The following CSMD1 variants were observed in gnomAD, a reference collection of about 807,000 sequenced individuals.
CSMD1 encodes CUB and Sushi multiple domains 1, also known as CUB and sushi domain-containing protein 1.
CSMD1 carries 213 observed loss-of-function variants against 417.5 expected under a neutral mutation model. The ratio of observed to expected loss-of-function variants is 0.51; its 90% CI spans 0.46 to 0.57. The LOEUF (loss-of-function observed/expected upper bound fraction) is 0.57, where lower values mean the gene tolerates loss of function less well. Ranked by LOEUF, CSMD1 falls within the 20% of genes least tolerant of loss-of-function variation. The pLI, the probability that CSMD1 is intolerant of heterozygous loss-of-function variation, is 0.00. For missense variants in CSMD1, 6,923 were observed against 4,529.7 expected (o/e 1.53, Z -15.17); for synonymous variants, 2,862 against 1,736.8 (o/e 1.65, Z -16.11).
At chr8:4,446,814 G>C (rs1169698196) in intron 2 of CSMD1, among the ~76,000 whole-genome samples, 1 of 142,858 alleles carries the variant, frequency 7.0e-6, no homozygotes, top group Non-Finnish European at 1.5e-5. Flanking sequence ...GTAGAGCCAA[G>C]TTTTCTCCAT....
rs914537020 is a variant in CSMD1 at position 4,598,024 on chromosome 8, G to C, written c.302+39318C>G. Among the ~76,000 whole-genome samples the C allele has an allele frequency of 4.6e-5, 7 of 151,398 alleles. No homozygotes were observed. In the East Asian group the frequency reaches 7.7e-4, roughly 17 times the overall value. On this transcript the variant is annotated intron_variant, in intron 2 of 69. Transcript: ENST00000635120. Reference sequence around the variant, plus strand: ...TATAAAATAGATATAAGGTTCTTTAGAACATTTATCAATATTCACAATTGC... The same window carrying C: ...TATAAAATAGATATAAGGTTCTTTACAACATTTATCAATATTCACAATTGC...
intron 3 of CSMD1, among the ~76,000 whole-genome samples, chr8:4,351,947 C>CTTTT (rs1267789305): frequency 3.8e-5 from 3 of 77,956 alleles, no homozygotes; most frequent in East Asian, 8.1e-4. Context: ...TGCCTTTATG[C>CTTTT]TATTTTTTTT....
At chr8:4,816,077 G>C (rs988407034) in intron 1 of CSMD1, among the ~76,000 whole-genome samples, 1 of 152,296 alleles carries the variant, frequency 6.6e-6, no homozygotes, top group East Asian at 1.9e-4. Context: ...CTGGGTTTAG[G>C]GAGCAGAACT....
At position 3,361,136 on chromosome 8, in the gene CSMD1, AT is replaced by A. The variant is rs1284644563; in HGVS notation, c.3116-1797del. On this transcript the variant is annotated intron_variant, in intron 20 of 69. Coordinates refer to ENST00000635120, the MANE Select transcript of CSMD1 (RefSeq NM_033225.6). ...TAGTATGACTCAGAAAGAAAATAAT[AT>A]AGACAATGTCATTTAATTGAACTCA... 2.0e-5 allele frequency among the ~76,000 whole-genome samples: 3 copies of A among 152,340 alleles called. No homozygotes were observed. The East Asian group carries it at 5.8e-4, about 29-fold the overall frequency.
chr8:4,032,231 G>C (rs532720112), intron 3 of CSMD1, 132 bp from the exon 4 acceptor site: 9 of 629,180 alleles, frequency 1.4e-5, no homozygotes, highest in East Asian at 2.8e-5. Context: ...AATATTAATT[G>C]TTGCTAAAAA....
At chr8:2,942,118 C>A (rs2670074) in intron 69 of CSMD1, among the ~76,000 whole-genome samples, 1 of 151,660 alleles carries the variant, frequency 6.6e-6, no homozygotes, top group Non-Finnish European at 1.5e-5. Flanking sequence ...TGAGTGGGAG[C>A]TGAACGATGA....
At chr8:4,253,524 G>C (rs1007643715) in intron 3 of CSMD1, among the ~76,000 whole-genome samples, 2 of 152,102 alleles carry the variant, frequency 1.3e-5, no homozygotes, top group East Asian at 3.9e-4. Context: ...GATAGAGAAA[G>C]AAGAAAAGGA....
intron 3 of CSMD1, among the ~76,000 whole-genome samples, chr8:4,232,404 G>A (rs1585066028): frequency 6.6e-6 from 1 of 152,060 alleles, no homozygotes; most frequent in Non-Finnish European, 1.5e-5. Flanking sequence ...TCCCCACGTT[G>A]GCCAGCTTGG....
intron 12 of CSMD1, among the ~76,000 whole-genome samples, chr8:3,424,176 A>C (rs1196154589): frequency 6.6e-6 from 1 of 152,236 alleles, no homozygotes; most frequent in Non-Finnish European, 1.5e-5. Flanking sequence ...TGATTCAATT[A>C]GAGTTTATGA....
intron 59 of CSMD1, among the ~76,000 whole-genome samples, chr8:2,964,283 G>T (rs1157799059): frequency 2.6e-5 from 4 of 152,186 alleles, no homozygotes; most frequent in African/African-American, 9.6e-5. Flanking sequence ...ACACCCAAAA[G>T]TTGGAAATGG....
At chr8:4,882,829 C>G (rs1803497526) in intron 1 of CSMD1, among the ~76,000 whole-genome samples, 1 of 152,018 alleles carries the variant, frequency 6.6e-6, no homozygotes, top group Non-Finnish European at 1.5e-5. Flanking sequence ...AAACTTTCTA[C>G]TTTCCTTTGA....
At chr8:4,079,005 G>C (rs1799983994) in intron 3 of CSMD1, among the ~76,000 whole-genome samples, 1 of 147,672 alleles carries the variant, frequency 6.8e-6, no homozygotes, top group Non-Finnish European at 1.5e-5. Flanking sequence ...AGTATCATAT[G>C]TCACCCATCT....
At chr8:3,256,500 T>C (rs1166983011) in intron 26 of CSMD1, among the ~76,000 whole-genome samples, 3 of 152,204 alleles carry the variant, frequency 2.0e-5, no homozygotes, top group South Asian at 2.1e-4. Context: ...TCTATAGATA[T>C]ATAAAAGACA....
intron 6 of CSMD1, among the ~76,000 whole-genome samples, chr8:3,727,440 A>C (rs1802558343): frequency 1.3e-5 from 2 of 152,182 alleles, no homozygotes; most frequent in African/African-American, 4.8e-5. Context: ...CTAATATTCT[A>C]ACATGAGGGT....
At chr8:3,258,533 G>A (rs746024839) in intron 26 of CSMD1, among the ~76,000 whole-genome samples, 3 of 152,160 alleles carry the variant, frequency 2.0e-5, no homozygotes, top group Admixed American at 6.5e-5. Flanking sequence ...AAGACAGTGT[G>A]GTGATTCCTC....
chr8:4,756,575 C>T lies in CSMD1; in HGVS notation c.86-119017G>A, dbSNP rs560438206. On this transcript the variant is annotated intron_variant, in intron 1 of 69. Transcript: ENST00000635120. Reference sequence around the variant, plus strand: ...TATAATGCTATTGAAATAGAGCATGCGTTCTAGACTTGTTTTTGCAGATGT... The same window carrying T: ...TATAATGCTATTGAAATAGAGCATGTGTTCTAGACTTGTTTTTGCAGATGT... 2.6e-5 allele frequency among the ~76,000 whole-genome samples: 4 copies of T among 152,268 alleles called. 1 individual carries two copies. Among genetic ancestry groups the T allele is most frequent in the East Asian group, 1.9e-4 (1 of 5,186 alleles).
intron 7 of CSMD1, among the ~76,000 whole-genome samples, chr8:3,681,806 G>C (rs1471691776): frequency 6.6e-6 from 1 of 152,194 alleles, no homozygotes; most frequent in Non-Finnish European, 1.5e-5. Flanking sequence ...CAAGGCTACA[G>C]TAACCCAAAC....
intron 10 of CSMD1, among the ~76,000 whole-genome samples, chr8:3,513,525 C>T (rs1396438631): frequency 6.6e-6 from 1 of 152,048 alleles, no homozygotes; most frequent in African/African-American, 2.4e-5. Context: ...TAATAAAATC[C>T]TCTTTATATA....
intron 37 of CSMD1, among the ~76,000 whole-genome samples, chr8:3,179,195 T>C (rs1459007336): frequency 1.3e-5 from 2 of 151,998 alleles, no homozygotes; most frequent in East Asian, 1.9e-4. Flanking sequence ...TCTGCCCGCC[T>C]TGGCCTCCCA....
Sources: allele counts gnomAD v4.1 joint callset (sites outside exome capture counted in the v4.1 genomes callset), GRCh38; gene constraint gnomAD v4.1.1; transcripts MANE v1.5; gene names NCBI Gene and HGNC (gene_info 2026-07-23, HGNC 2026-07-21).